CDH1: variants seen among roughly 807,000 people sequenced by gnomAD.
The protein encoded by CDH1 is cadherin-1.
A neutral mutation model predicts 84.5 loss-of-function variants in CDH1; 35 were observed. The observed-to-expected ratio is 0.41, with a 90% CI of 0.32 to 0.55. The LOEUF is 0.55. Among genes scored for constraint, CDH1 ranks in the 20% least tolerant of loss-of-function variants. The pLI is 0.19. For synonymous variants in CDH1, 417 were observed against 439.0 expected (o/e 0.95, Z 0.63); for missense variants, 994 against 1,126.6 (o/e 0.88, Z 1.68).
chr16:68,783,163 G>A (rs1002160886), intron 2 of CDH1, among the ~76,000 whole-genome samples: 2 of 151,930 alleles, frequency 1.3e-5, no homozygotes, highest in Admixed American at 6.6e-5. Context: ...TTGGGAGGCC[G>A]AGGCAGGCAG....
chr16:68,831,069 CTTTTTTTTTTTTTT>C (rs1157074539), intron 15 of CDH1, among the ~76,000 whole-genome samples: 2 of 80,290 alleles, frequency 2.5e-5, no homozygotes, highest in African/African-American at 5.2e-5. Context: ...CTTTAGCTTT[CTTTTTTTTTTTTTT>C]TTTTTTTTTT....
At chr16:68,745,460 T>A (rs1401070309) in intron 2 of CDH1, among the ~76,000 whole-genome samples, 2 of 145,994 alleles carry the variant, frequency 1.4e-5, no homozygotes, top group Non-Finnish European at 3.0e-5. Flanking sequence ...GGGGATTGCG[T>A]GAAGCCCGGG....
intron 2 of CDH1, among the ~76,000 whole-genome samples, chr16:68,790,801 A>T (rs1960186729): frequency 6.6e-6 from 1 of 152,158 alleles, no homozygotes; most frequent in Non-Finnish European, 1.5e-5. Flanking sequence ...TGAGCAGAGA[A>T]GCAACCCCAG....
chr16:68,822,708 A>T (rs1461933161), intron 12 of CDH1: 5 of 300,970 alleles, frequency 1.7e-5, no homozygotes. Context: ...CACCATGACG[A>T]TGTGGATCTG....
At chr16:68,775,869 T>C (rs2152121349) in intron 2 of CDH1, among the ~76,000 whole-genome samples, 1 of 152,272 alleles carries the variant, frequency 6.6e-6, no homozygotes, top group African/African-American at 2.4e-5. Flanking sequence ...TAGCAAAATG[T>C]CCCCCTTTAC....
At chr16:68,791,572 G>A (rs764093275) in intron 2 of CDH1, among the ~76,000 whole-genome samples, 27 of 151,802 alleles carry the variant, frequency 1.8e-4, no homozygotes, top group Non-Finnish European at 3.5e-4. Context: ...ATAGACACGC[G>A]CCACCACACC....
chr16:68,745,979 G>T (rs1452307099), intron 2 of CDH1, among the ~76,000 whole-genome samples: 1 of 152,066 alleles, frequency 6.6e-6, no homozygotes, highest in Non-Finnish European at 1.5e-5. Context: ...CACTACGCCT[G>T]GCAATTTTTT....
intron 2 of CDH1, among the ~76,000 whole-genome samples, chr16:68,747,824 C>T (rs1218274030): frequency 6.6e-6 from 1 of 152,096 alleles, no homozygotes; most frequent in Non-Finnish European, 1.5e-5. Context: ...AGTGCAGAGG[C>T]GCAATCTCAG....
intron 2 of CDH1, among the ~76,000 whole-genome samples, chr16:68,739,425 A>G (rs1962500132): frequency 6.6e-6 from 1 of 151,852 alleles, no homozygotes; most frequent in African/African-American, 2.4e-5. Context: ...TCAAAAAATA[A>G]ATAAAAAATA....
chr16:68,814,006 G>T (rs1960917581), intron 9 of CDH1, among the ~76,000 whole-genome samples: 3 of 152,264 alleles, frequency 2.0e-5, no homozygotes, highest in Admixed American at 2.0e-4. Flanking sequence ...GGAGGCCAAG[G>T]CGGGCAGATC....
In CDH1 at chr16:68,800,498, C is replaced by T. The variant is rs561479953; in HGVS notation, c.164-1172C>T. ...ACTGCTGCCTAGGCGTCAGGGATGG[C>T]TTCAAGGGCTTTCTGGCAGAAACCT... On this transcript the variant is annotated intron_variant, in intron 2 of 15. Transcript: ENST00000261769. Among the ~76,000 whole-genome samples, 145 of 152,326 alleles carry T rather than the reference C, an allele frequency of 9.5e-4. 1 individual carries two copies. The highest frequency in any genetic ancestry group is 3.4e-3 in the Middle Eastern group (1 of 294).
chr16:68,828,566 G>A (rs1219244283), intron 14 of CDH1, among the ~76,000 whole-genome samples: 1 of 152,206 alleles, frequency 6.6e-6, no homozygotes, highest in Non-Finnish European at 1.5e-5. Context: ...CTTGGCTAAG[G>A]TCACACAGCT....
At chr16:68,755,982 T>A (rs1311430863) in intron 2 of CDH1, among the ~76,000 whole-genome samples, 1 of 152,008 alleles carries the variant, frequency 6.6e-6, no homozygotes, top group African/African-American at 2.4e-5. Flanking sequence ...CAGGCTGGTC[T>A]CCAACTCCTG....
chr16:68,795,491 G>T (rs879298297), intron 2 of CDH1, among the ~76,000 whole-genome samples: 7 of 151,180 alleles, frequency 4.6e-5, no homozygotes, highest in Admixed American at 6.6e-5. Context: ...TGATTTTTTT[G>T]TTTGTTTGTT....
chr16:68,830,316 G>C (rs1204704125), intron 15 of CDH1, among the ~76,000 whole-genome samples: 10 of 152,038 alleles, frequency 6.6e-5, no homozygotes, highest in Admixed American at 6.6e-4. Flanking sequence ...AAATTGCAAA[G>C]TCCATGTGGC....
chr16:68,833,054 C>G (rs574102177), intron 15 of CDH1, among the ~76,000 whole-genome samples: 1 of 152,312 alleles, frequency 6.6e-6, no homozygotes, highest in African/African-American at 2.4e-5. Context: ...GCTTGCATCT[C>G]TCCTGCCTAC....
At chr16:68,768,699 A>G (rs1959457607) in intron 2 of CDH1, among the ~76,000 whole-genome samples, 1 of 152,186 alleles carries the variant, frequency 6.6e-6, no homozygotes, top group African/African-American at 2.4e-5. Context: ...TAATAAAAAG[A>G]ACAAAAATAT....
chr16:68,776,898 G>T (rs1959747870), intron 2 of CDH1, among the ~76,000 whole-genome samples: 2 of 152,192 alleles, frequency 1.3e-5, no homozygotes, highest in South Asian at 4.1e-4. Context: ...CCATCTTATA[G>T]AGAGGAAACT....
At chr16:68,780,379 G>A (rs1959842396) in intron 2 of CDH1, among the ~76,000 whole-genome samples, 1 of 152,114 alleles carries the variant, frequency 6.6e-6, no homozygotes, top group African/African-American at 2.4e-5. Flanking sequence ...TTGGCTCACT[G>A]CAACCTGTAC....
Sources: allele counts gnomAD v4.1 joint callset (sites outside exome capture counted in the v4.1 genomes callset), GRCh38; gene constraint gnomAD v4.1.1; transcripts MANE v1.5; gene names NCBI Gene and HGNC (gene_info 2026-07-23, HGNC 2026-07-21).